The following TRIM34 variants were observed in gnomAD, a reference collection of about 807,000 sequenced individuals.
The protein encoded by TRIM34 is E3 ubiquitin-protein ligase TRIM34.
A neutral mutation model predicts 38.1 loss-of-function variants in TRIM34; 41 were observed. The observed-to-expected ratio is 1.08, with a 90% CI of 0.84 to 1.40. TRIM34 has a LOEUF of 1.40. TRIM34 is among the 40% of genes most tolerant of loss of function. The pLI, the probability that TRIM34 is intolerant of heterozygous loss-of-function variation, is 0.00. For missense variants in TRIM34, 556 were observed against 571.4 expected (o/e 0.97, Z 0.27); for synonymous variants, 200 against 202.5 (o/e 0.99, Z 0.10).
intron 1 of TRIM34, among the ~76,000 whole-genome samples, chr11:5,629,498 C>T (rs1849386419): frequency 6.6e-6 from 1 of 152,170 alleles, no homozygotes; most frequent in Admixed American, 6.5e-5. Context: ...CTCACAGTTT[C>T]TTGTCTAAAC....
In TRIM34 at chr11:5,640,329, G is replaced by T. The variant is rs977999827; in HGVS notation, c.751-838G>T. 4.6e-5 allele frequency among the ~76,000 whole-genome samples: 7 copies of T among 151,218 alleles called. No homozygotes were observed. In the South Asian group the frequency reaches 8.3e-4, roughly 18 times the overall value. On this transcript the variant is annotated intron_variant, in intron 4 of 7. Coordinates refer to ENST00000429814, the MANE Select transcript of TRIM34 (RefSeq NM_021616.6). ...TTTGTTACCATTCCTGTTTTGTTTTGTTTTTTTTATGAAAGTGTGCTGAAT... is the reference window on the plus strand; with the variant it reads ...TTTGTTACCATTCCTGTTTTGTTTTTTTTTTTTTATGAAAGTGTGCTGAAT...
intron 2 of TRIM34, 69 bp downstream of exon 2, chr11:5,632,823 T>C: frequency 2.5e-5 from 3 of 121,402 alleles, no homozygotes; most frequent in Non-Finnish European, 2.8e-5. Context: ...CTTTTCATCC[T>C]TTTTTTTTTT....
rs951463759 is a variant in TRIM34 at position 5,641,354 on chromosome 11, G to A, written c.773+165G>A. Reference sequence around the variant, plus strand: ...TCCCCGATGAGTATTTGAGTGTTCCGTAACTATTAATGGACTCGATCCTAT... The same window carrying A: ...TCCCCGATGAGTATTTGAGTGTTCCATAACTATTAATGGACTCGATCCTAT... On this transcript the variant is annotated intron_variant, in intron 5 of 7. Coordinates refer to ENST00000429814, the MANE Select transcript of TRIM34 (RefSeq NM_021616.6). 67 of 1,462,852 alleles carry A rather than the reference G, an allele frequency of 4.6e-5. No individual in the cohort carries two copies. The Middle Eastern group carries it at 7.3e-4, about 16-fold the overall frequency. The allele number at this position is 1,462,852 out of a possible 1,614,324, so 90.6% of individuals were successfully genotyped here.
In TRIM34 at chr11:5,634,918, G is replaced by A. The variant is rs557049718; in HGVS notation, c.750+57G>A. ...GAACACAGTTCCCTCCTGTGTCCTTGCGTTCTCATCCTGGTGGTGACACTA... is the reference window on the plus strand; with the variant it reads ...GAACACAGTTCCCTCCTGTGTCCTTACGTTCTCATCCTGGTGGTGACACTA... On this transcript the variant is annotated intron_variant, in intron 4 of 7. Transcript: ENST00000429814. 8 of 1,563,500 alleles carry A rather than the reference G, an allele frequency of 5.1e-6. No individual in the cohort carries two copies. The South Asian group carries it at 9.3e-5, about 18-fold the overall frequency.
upstream of TRIM34, among the ~76,000 whole-genome samples, chr11:5,620,735 T>A (rs1360923177): frequency 1.3e-5 from 2 of 152,200 alleles, no homozygotes; most frequent in Non-Finnish European, 2.9e-5. Flanking sequence ...CAATGGTGTT[T>A]GTCAGTGTTC....
Position 5,633,817 on chromosome 11 carries a change from C to T in TRIM34, c.437C>T (p.Ala146Val), listed in dbSNP as rs754206413. 1 of 1,613,778 alleles carries T rather than the reference C, an allele frequency of 6.2e-7. No homozygotes were observed. Residue 146 changes from alanine to valine, a missense_variant, in exon 3 of 8, where the codon GCA becomes GTA. Ala to Val is a moderately conservative substitution (Grantham distance 64, BLOSUM62 0). Transcript: ENST00000429814. The part of the protein sequence containing the change: ...VFKECQEKLQ[A>V]VLKRLKKEEE... ...CCCTTCTCATAGGAGAAACTCCAGG[C>T]AGTCCTCAAGAGGCTGAAGAAGGAA...
At chr11:5,628,566 C>T (rs563675402) in intron 1 of TRIM34, among the ~76,000 whole-genome samples, 20 of 152,220 alleles carry the variant, frequency 1.3e-4, no homozygotes, top group South Asian at 1.0e-3. Flanking sequence ...AGACAGGTCT[C>T]GAGGCCTAGG....
chr11:5,621,547 C>A (rs530319998), upstream of TRIM34, among the ~76,000 whole-genome samples: 1 of 152,322 alleles, frequency 6.6e-6, no homozygotes, highest in African/African-American at 2.4e-5. Context: ...AGTGAGGCAC[C>A]AGAAGAATGC....
At position 5,632,637 on chromosome 11, in the gene TRIM34, G is replaced by C. The variant is rs748557296; in HGVS notation, c.306G>C (p.Glu102Asp). 1 of 1,613,124 alleles carries C rather than the reference G, an allele frequency of 6.2e-7. No homozygotes were observed. Among genetic ancestry groups the C allele is most frequent in the Non-Finnish European group, 8.5e-7 (1 of 1,179,852 alleles). ...GAGATCTCTGTGATCATCATGGAGA[G>C]AAACTCCTACTCTTCTGTAAGGAGG... ...KKRDLCDHHG[E>D]KLLLFCKEDR... The change falls in exon 2 of 8, where the codon GAG (glutamate) becomes GAC (aspartate). Residue 102 changes from glutamate (E) to aspartate (D), a missense_variant. Physicochemically the swap from Glu to Asp is conservative, Grantham distance 45. Transcript: ENST00000429814.
intron 4 of TRIM34, among the ~76,000 whole-genome samples, chr11:5,635,473 GTAT>G (rs1457427436): frequency 6.6e-6 from 1 of 151,980 alleles, no homozygotes; most frequent in African/African-American, 2.4e-5. Context: ...AGCCAGTATG[GTAT>G]TAATCTCCTG....
intron 1 of TRIM34, among the ~76,000 whole-genome samples, chr11:5,628,658 C>A (rs756139146): frequency 2.6e-5 from 4 of 152,310 alleles, no homozygotes; most frequent in Middle Eastern, 6.8e-3. Context: ...CATCACAGAT[C>A]TTTCTTTCAC....
intron 1 of TRIM34, chr11:5,626,467 C>T (rs1849239492): frequency 6.6e-6 from 1 of 152,156 alleles, no homozygotes; most frequent in Admixed American, 6.5e-5. Flanking sequence ...ATTGTAAGAA[C>T]ACATTTGAGT....
chr11:5,636,491 C>T (rs1370739120), intron 4 of TRIM34, among the ~76,000 whole-genome samples: 3 of 152,164 alleles, frequency 2.0e-5, no homozygotes, highest in Non-Finnish European at 4.4e-5. Context: ...AAATTGTGCA[C>T]TGTAAAGGGC....
intron 4 of TRIM34, among the ~76,000 whole-genome samples, chr11:5,639,420 C>T (rs1463408294): frequency 6.6e-6 from 1 of 151,990 alleles, no homozygotes; most frequent in East Asian, 1.9e-4. Flanking sequence ...GTGGCTCACA[C>T]CTGTAATCCC....
chr11:5,628,024 C>T (rs140666070), intron 1 of TRIM34, among the ~76,000 whole-genome samples: 83 of 152,334 alleles, frequency 5.4e-4, no homozygotes, highest in Middle Eastern at 6.8e-3. Flanking sequence ...TTCTGTCAGG[C>T]CAATGGCACT....
chr11:5,643,387 C>T lies in TRIM34; in HGVS notation c.1145C>T (p.Ala382Val), dbSNP rs1850108156. The change falls in exon 8 of 8, where the codon GCA (alanine) becomes GTA (valine). Residue 382 changes from alanine (A) to valine (V), a missense_variant. By Grantham distance (64) the Ala-to-Val change is moderately conservative. Transcript: ENST00000429814. Reference protein sequence around the residue: ...RHMKYVVRRCANRQNLYTKYR... With the variant: ...RHMKYVVRRCVNRQNLYTKYR... ...ATGAAGTATGTTGTTAGAAGATGTG[C>T]AAATCGTCAAAATCTTTACACCAAA... 1 of 1,613,902 alleles carries T rather than the reference C, an allele frequency of 6.2e-7. No individual in the cohort carries two copies. Among genetic ancestry groups the T allele is most frequent in the African/African-American group, 1.3e-5 (1 of 74,892 alleles).
Position 5,643,861 on chromosome 11 carries a change from T to A in TRIM34, c.*152T>A. Reference sequence around the variant, plus strand: ...TGTATGGTGTATTTGGCTTGAGTTATGAGAGATGCTTATTTATTCATTTAC... The same window carrying A: ...TGTATGGTGTATTTGGCTTGAGTTAAGAGAGATGCTTATTTATTCATTTAC... On this transcript the variant is annotated 3_prime_UTR_variant, in exon 8 of 8. Coordinates refer to ENST00000429814, the MANE Select transcript of TRIM34 (RefSeq NM_021616.6). 3 of 986,378 alleles carry A rather than the reference T, an allele frequency of 3.0e-6. No homozygotes were observed. The highest frequency in any genetic ancestry group is 4.4e-6 in the Non-Finnish European group (3 of 683,822). 61.1% of individuals were successfully genotyped at this position (986,378 alleles called of 1,614,324 possible). A position where few individuals can be genotyped will look rare whatever the true frequency, so the allele number is the denominator to read the frequency against.
chr11:5,623,925 G>A (rs1024036935), upstream of TRIM34, among the ~76,000 whole-genome samples: 2 of 152,144 alleles, frequency 1.3e-5, no homozygotes, highest in Non-Finnish European at 2.9e-5. Context: ...CTTTTATTAT[G>A]TAATGTGCTC....
At chr11:5,622,122 A>C (rs1025718128), upstream of TRIM34, among the ~76,000 whole-genome samples, 1 of 152,236 alleles carries the variant, frequency 6.6e-6, no homozygotes, top group African/African-American at 2.4e-5. Flanking sequence ...TTGCATGTCC[A>C]TTGAACTCAG....
Sources: allele counts gnomAD v4.1 joint callset (sites outside exome capture counted in the v4.1 genomes callset), GRCh38; gene constraint gnomAD v4.1.1; transcripts MANE v1.5; gene names NCBI Gene and HGNC (gene_info 2026-07-23, HGNC 2026-07-21).